The following GPATCH2 variants were observed in gnomAD, a reference collection of about 807,000 sequenced individuals.
The protein encoded by GPATCH2 is G patch domain-containing protein 2.
A neutral mutation model predicts 58.0 loss-of-function variants in GPATCH2; 51 were observed. The observed-to-expected ratio is 0.88, with a 90% CI of 0.70 to 1.11. The LOEUF is 1.11. GPATCH2 is among the 50% of genes most tolerant of loss of function. GPATCH2 has a pLI of 0.00. For missense variants in GPATCH2, 625 were observed against 652.2 expected (o/e 0.96, Z 0.45); for synonymous variants, 222 against 218.5 (o/e 1.02, Z -0.14).
chr1:217,463,785 C>T (rs1660314103), intron 8 of GPATCH2, among the ~76,000 whole-genome samples: 1 of 151,534 alleles, frequency 6.6e-6, no homozygotes, highest in Non-Finnish European at 1.5e-5. Context: ...GATTTGGGTT[C>T]CCTAAAAGTC....
intron 8 of GPATCH2, among the ~76,000 whole-genome samples, chr1:217,486,868 G>A (rs1371087805): frequency 6.6e-6 from 1 of 152,028 alleles, no homozygotes; most frequent in African/African-American, 2.4e-5. Flanking sequence ...CTTCAGCACT[G>A]GGTTTTAGAG....
chr1:217,606,675 C>T (rs1161555632), intron 5 of GPATCH2, among the ~76,000 whole-genome samples: 4 of 151,870 alleles, frequency 2.6e-5, no homozygotes, highest in Non-Finnish European at 5.9e-5. Flanking sequence ...TGGGAGGTCA[C>T]GGCTGCAGTG....
intron 5 of GPATCH2, among the ~76,000 whole-genome samples, chr1:217,542,903 T>A (rs945423226): frequency 1.3e-5 from 2 of 152,168 alleles, no homozygotes; most frequent in African/African-American, 4.8e-5. Context: ...TAAGGCAGAA[T>A]AGTGTAGGGA....
At chr1:217,589,671 A>G (rs1667500665) in intron 5 of GPATCH2, among the ~76,000 whole-genome samples, 1 of 152,184 alleles carries the variant, frequency 6.6e-6, no homozygotes, top group African/African-American at 2.4e-5. Context: ...AAGATAAGAA[A>G]ATGAAGAGCA....
chr1:217,587,975 T>C (rs1345574794), intron 5 of GPATCH2, among the ~76,000 whole-genome samples: 2 of 152,152 alleles, frequency 1.3e-5, no homozygotes, highest in Non-Finnish European at 2.9e-5. Flanking sequence ...GAACTTATCT[T>C]TGGATCCACA....
chr1:217,520,627 G>A (rs1471319344), intron 5 of GPATCH2, among the ~76,000 whole-genome samples: 2 of 152,044 alleles, frequency 1.3e-5, no homozygotes, highest in Non-Finnish European at 2.9e-5. Context: ...ATTTTTACCT[G>A]TTAGTCAAGG....
chr1:217,523,025 A>G (rs964009627), intron 5 of GPATCH2, among the ~76,000 whole-genome samples: 2 of 151,848 alleles, frequency 1.3e-5, no homozygotes, highest in African/African-American at 4.9e-5. Flanking sequence ...CAAAGCAATT[A>G]AAAAAATTTC....
rs577484607 is a variant in GPATCH2, at chr1:217,601,701, T to C, written c.1098+8620A>G. Among the ~76,000 whole-genome samples the C allele has an allele frequency of 3.3e-5, 5 of 152,252 alleles. 1 individual carries two copies. The highest frequency in any genetic ancestry group is 1.2e-4 in the African/African-American group (5 of 41,556). On this transcript the variant is annotated intron_variant, in intron 5 of 9. Coordinates refer to ENST00000366935, the MANE Select transcript of GPATCH2 (RefSeq NM_018040.5). ...AAAGGCACTAGACTGTCCAAGGCTG[T>C]CCAAGGCTGAAAATTCCAGCCTGCA...
chr1:217,501,567 G>C (rs1662307485), intron 6 of GPATCH2, among the ~76,000 whole-genome samples: 1 of 152,054 alleles, frequency 6.6e-6, no homozygotes, highest in South Asian at 2.1e-4. Flanking sequence ...AGCAATGTAT[G>C]AGTAATCCAG....
intron 9 of GPATCH2, among the ~76,000 whole-genome samples, chr1:217,443,927 T>C (rs1356319906): frequency 1.3e-5 from 2 of 152,204 alleles, no homozygotes. Flanking sequence ...TTTTTGAATA[T>C]GTTTTTATAA....
At chr1:217,509,347 A>T (rs938303146) in intron 6 of GPATCH2, among the ~76,000 whole-genome samples, 5 of 152,010 alleles carry the variant, frequency 3.3e-5, no homozygotes, top group African/African-American at 1.2e-4. Context: ...TCATCCTCTA[A>T]ATATAAAAGC....
intron 5 of GPATCH2, among the ~76,000 whole-genome samples, chr1:217,596,863 TA>T (rs959515847): frequency 1.3e-5 from 2 of 152,122 alleles, no homozygotes; most frequent in African/African-American, 4.8e-5. Flanking sequence ...TTTATTATTT[TA>T]AAATAATGAT....
At chr1:217,559,375 AT>A (rs1459938106) in intron 5 of GPATCH2, among the ~76,000 whole-genome samples, 1 of 152,086 alleles carries the variant, frequency 6.6e-6, no homozygotes, top group Admixed American at 6.5e-5. Flanking sequence ...CAGATTCTAG[AT>A]ATCTTTTCAA....
chr1:217,609,192 A>G lies in GPATCH2; in HGVS notation c.1098+1129T>C, dbSNP rs899450943. 5.1e-6 allele frequency: 5 copies of G among 983,324 alleles called. No homozygotes were observed. The African/African-American group carries it at 7.0e-5, about 14-fold the overall frequency. 60.9% of individuals were successfully genotyped at this position (983,324 alleles called of 1,614,324 possible). On this transcript the variant is annotated intron_variant, in intron 5 of 9. Transcript: ENST00000366935. ...ATAGTGTCTAAATTATACCATCAAT[A>G]GAAACATTACATTTTCCCCCCAGTT... is the stretch of plus-strand genomic sequence containing the variant.
intron 6 of GPATCH2, among the ~76,000 whole-genome samples, chr1:217,508,212 A>C (rs1480911718): frequency 6.6e-6 from 1 of 152,174 alleles, no homozygotes. Flanking sequence ...ATCTCAGTCT[A>C]GAGTTAAAGA....
Position 217,622,595 on chromosome 1 carries a change from G to A in GPATCH2, c.57-2096C>T, listed in dbSNP as rs1043363971. Among the ~76,000 whole-genome samples the A allele has an allele frequency of 2.6e-5, 4 of 152,216 alleles. No homozygotes were observed. In the South Asian group the frequency reaches 8.3e-4, roughly 31 times the overall value. On this transcript the variant is annotated intron_variant, in intron 1 of 9. Transcript: ENST00000366935. ...GTCTCGCTCTGTTACCCAGGCTGAAGTGCAGTGGCATGATCTCGGCTCACT... is the reference window on the plus strand; with the variant it reads ...GTCTCGCTCTGTTACCCAGGCTGAAATGCAGTGGCATGATCTCGGCTCACT...
intron 8 of GPATCH2, among the ~76,000 whole-genome samples, chr1:217,462,951 A>G (rs1306033370): frequency 3.9e-5 from 6 of 152,156 alleles, no homozygotes; most frequent in Non-Finnish European, 1.5e-5. Context: ...TGGAGATGAT[A>G]GCAGAACCAA....
At position 217,428,281 on chromosome 1, in the gene GPATCH2, GA is replaced by G. The variant is rs1405785510; in HGVS notation, c.*2863del. ...CCAATTAATTTGCTATAAGGCTACAGATACTGTAGAAGAGTGGCTTCACAAA... is the reference window on the plus strand; with the variant it reads ...CCAATTAATTTGCTATAAGGCTACAGTACTGTAGAAGAGTGGCTTCACAAA... On this transcript the variant is annotated 3_prime_UTR_variant, in exon 10 of 10. Transcript: ENST00000366935. The G allele has an allele frequency of 6.6e-6, 1 of 152,178 alleles. No individual in the cohort carries two copies. The highest frequency in any genetic ancestry group is 2.4e-5 in the African/African-American group (1 of 41,440). 9.4% of individuals were successfully genotyped at this position (152,178 alleles called of 1,614,324 possible).
At chr1:217,595,617 A>G (rs549578649) in intron 5 of GPATCH2, among the ~76,000 whole-genome samples, 157 of 151,870 alleles carry the variant, frequency 1.0e-3, no homozygotes, top group African/African-American at 3.6e-3. Context: ...CTCCTGCCTC[A>G]GCCTCCCGAG....
Sources: gnomAD v4.1 joint callset for allele counts (sites outside exome capture counted in the v4.1 genomes callset) on GRCh38, gnomAD v4.1.1 for gene constraint, MANE v1.5 for transcripts, NCBI Gene and HGNC (gene_info 2026-07-23, HGNC 2026-07-21) for gene names.